Variants in GRID2 observed in about 807,000 individuals in gnomAD.
The protein encoded by GRID2 is glutamate ionotropic receptor delta type subunit 2.
A neutral mutation model predicts 114.8 loss-of-function variants in GRID2; 33 were observed. The ratio of observed to expected loss-of-function variants is 0.29; its 90% CI spans 0.22 to 0.38. The LOEUF (loss-of-function observed/expected upper bound fraction) is 0.38, where lower values mean the gene tolerates loss of function less well. Among genes scored for constraint, GRID2 ranks in the 10% least tolerant of loss-of-function variants. The pLI, the probability that GRID2 is intolerant of heterozygous loss-of-function variation, is 1.00. For synonymous variants in GRID2, 505 were observed against 449.9 expected (o/e 1.12, Z -1.55); for missense variants, 1,184 against 1,257.7 (o/e 0.94, Z 0.89).
chr4:93,299,744 A>C (rs1754675698), intron 8 of GRID2, among the ~76,000 whole-genome samples: 1 of 151,404 alleles, frequency 6.6e-6, no homozygotes, highest in African/African-American at 2.4e-5. Context: ...GATTTCTTTA[A>C]CCTTCTCCTC....
intron 4 of GRID2, among the ~76,000 whole-genome samples, chr4:93,175,945 TTCTC>T (rs1739312037): frequency 6.6e-6 from 1 of 152,276 alleles, no homozygotes; most frequent in Non-Finnish European, 1.5e-5. Context: ...GTGGACCTCT[TTCTC>T]AGACAGTCAT....
chr4:92,701,901 A>G (rs1410553897), intron 2 of GRID2, among the ~76,000 whole-genome samples: 1 of 152,122 alleles, frequency 6.6e-6, no homozygotes, highest in South Asian at 2.1e-4. Context: ...CTAAGACTAA[A>G]CCAGTTTAAG....
chr4:92,369,421 C>T lies in GRID2; in HGVS notation c.88+64677C>T, dbSNP rs536365321. The stretch of plus-strand genomic sequence containing the variant: ...TAATCAAGCAAATACAAACCACCTA[C>T]TCCTTAAATATTTGTAATTTTTCAA... On this transcript the variant is annotated intron_variant, in intron 1 of 15. Transcript: ENST00000282020. Among the ~76,000 whole-genome samples the T allele has an allele frequency of 3.3e-5, 5 of 152,262 alleles. No individual in the cohort carries two copies. The South Asian group carries it at 1.0e-3, about 32-fold the overall frequency.
At chr4:93,588,895 G>A (rs1206955676) in intron 13 of GRID2, among the ~76,000 whole-genome samples, 1 of 152,180 alleles carries the variant, frequency 6.6e-6, no homozygotes, top group South Asian at 2.1e-4. Context: ...GCAGGTTCCT[G>A]ATTTTGCCAT....
intron 2 of GRID2, among the ~76,000 whole-genome samples, chr4:93,027,421 A>AAT (rs1377421681): frequency 6.6e-6 from 1 of 152,060 alleles, no homozygotes; most frequent in African/African-American, 2.4e-5. Context: ...TAAAGCAAGT[A>AAT]ATATATATAT....
At chr4:92,712,293 C>T (rs926805207) in intron 2 of GRID2, among the ~76,000 whole-genome samples, 1 of 151,920 alleles carries the variant, frequency 6.6e-6, no homozygotes, top group African/African-American at 2.4e-5. Context: ...CTATGTTCTA[C>T]ATTATTATTT....
At chr4:93,033,384 C>T (rs1724616774) in intron 2 of GRID2, among the ~76,000 whole-genome samples, 1 of 152,196 alleles carries the variant, frequency 6.6e-6, no homozygotes. Context: ...AAATACCAAA[C>T]ATAGAGTTTC....
At chr4:93,335,715 GTC>G (rs1759004039) in intron 8 of GRID2, among the ~76,000 whole-genome samples, 1 of 127,092 alleles carries the variant, frequency 7.9e-6, no homozygotes, top group Non-Finnish European at 1.5e-5. Context: ...TTGAGACAGG[GTC>G]TCACTCTGTC....
chr4:92,582,180 T>C lies in GRID2; in HGVS notation c.89-7951T>C, dbSNP rs373781770. ...TATCAATGTTCCTTAATATATAAAGTCAATAACTTTATATATTTTATACAA... is the reference window on the plus strand; with the variant it reads ...TATCAATGTTCCTTAATATATAAAGCCAATAACTTTATATATTTTATACAA... On this transcript the variant is annotated intron_variant, in intron 1 of 15. Transcript: ENST00000282020. 1.5e-4 allele frequency among the ~76,000 whole-genome samples: 23 copies of C among 152,022 alleles called. 1 individual carries two copies. The highest frequency in any genetic ancestry group is 1.4e-3 in the South Asian group (7 of 4,830).
At chr4:93,185,788 G>A (rs1383487646) in intron 4 of GRID2, among the ~76,000 whole-genome samples, 1 of 152,112 alleles carries the variant, frequency 6.6e-6, no homozygotes, top group African/African-American at 2.4e-5. Context: ...GGGTATATGT[G>A]CACTACGTGC....
At chr4:93,321,196 A>T (rs564366428) in intron 8 of GRID2, among the ~76,000 whole-genome samples, 1 of 152,020 alleles carries the variant, frequency 6.6e-6, no homozygotes, top group Non-Finnish European at 1.5e-5. Context: ...CAGCTGGGAG[A>T]ATAAGATTTT....
intron 11 of GRID2, among the ~76,000 whole-genome samples, chr4:93,489,114 G>T (rs962275267): frequency 5.9e-5 from 9 of 151,952 alleles, no homozygotes; most frequent in Non-Finnish European, 1.2e-4. Context: ...AATGTTTAAA[G>T]CCTAATACAT....
intron 4 of GRID2, among the ~76,000 whole-genome samples, chr4:93,137,667 G>T (rs1735386383): frequency 6.6e-6 from 1 of 152,036 alleles, no homozygotes; most frequent in Non-Finnish European, 1.5e-5. Flanking sequence ...TAATATTAAT[G>T]GATATAAAGT....
At chr4:92,954,209 G>A (rs114464235) in intron 2 of GRID2, among the ~76,000 whole-genome samples, 3,053 of 151,736 alleles carry the variant, frequency 0.02, 44 homozygotes, top group East Asian at 0.053. Flanking sequence ...GTGTATATAT[G>A]TATACACACA....
At chr4:92,936,700 A>G (rs1477429162) in intron 2 of GRID2, among the ~76,000 whole-genome samples, 1 of 146,324 alleles carries the variant, frequency 6.8e-6, no homozygotes, top group South Asian at 2.3e-4. Context: ...TGTAACTTCA[A>G]TTAAGAGATT....
chr4:92,839,215 T>G (rs1742691599), intron 2 of GRID2, among the ~76,000 whole-genome samples: 1 of 152,010 alleles, frequency 6.6e-6, no homozygotes, highest in Non-Finnish European at 1.5e-5. Context: ...AAACATGACT[T>G]GGTGTTGTTA....
chr4:93,501,185 TTAGA>T (rs1463374500), intron 12 of GRID2, among the ~76,000 whole-genome samples: 11 of 151,916 alleles, frequency 7.2e-5, no homozygotes, highest in Non-Finnish European at 1.6e-4. Flanking sequence ...ATTTAAAAAA[TTAGA>T]TAGAAATATG....
At chr4:93,146,740 C>T (rs1471732680) in intron 4 of GRID2, among the ~76,000 whole-genome samples, 2 of 151,978 alleles carry the variant, frequency 1.3e-5, no homozygotes, top group South Asian at 2.1e-4. Flanking sequence ...ATATTGTGCA[C>T]TTAGTGTGTA....
Position 93,042,299 on chromosome 4 carries a change from C to CTATA in GRID2, c.245-42679_245-42676dup, listed in dbSNP as rs771214923. 2.0e-3 allele frequency among the ~76,000 whole-genome samples: 203 copies of CTATA among 102,648 alleles called. No individual in the cohort carries two copies. The East Asian group carries it at 0.028, about 14-fold the overall frequency. 67.3% of individuals were successfully genotyped at this position (102,648 alleles called of 152,430 possible). ...TTTCTCTCTCTCTCTCTCTCTCTCTCTATATATATATATATATATACACCT... is the reference window on the plus strand; with the variant it reads ...TTTCTCTCTCTCTCTCTCTCTCTCTCTATATATATATATATATATATATACACCT... On this transcript the variant is annotated intron_variant, in intron 2 of 15. Coordinates refer to ENST00000282020, the MANE Select transcript of GRID2 (RefSeq NM_001510.4).
Sources: allele counts gnomAD v4.1 joint callset (sites outside exome capture counted in the v4.1 genomes callset), GRCh38; gene constraint gnomAD v4.1.1; transcripts MANE v1.5; gene names NCBI Gene and HGNC (gene_info 2026-07-23, HGNC 2026-07-21).